Variants in PSME1 observed in about 807,000 individuals in gnomAD.
The protein encoded by PSME1 is proteasome activator subunit 1, also known as proteasome activator complex subunit 1.
Under a neutral mutation model 38.4 loss-of-function variants are expected in PSME1, and 15 were observed. That is an observed-to-expected ratio of 0.39 (90% CI 0.26 to 0.60). PSME1 has a LOEUF of 0.60. Among genes scored for constraint, PSME1 ranks in the 20% least tolerant of loss-of-function variants. The pLI is 0.53. For missense variants in PSME1, 249 were observed against 305.6 expected (o/e 0.81, Z 1.38); for synonymous variants, 106 against 106.8 (o/e 0.99, Z 0.05).
Position 24,136,248 on chromosome 14 carries a change from C to CA in PSME1, c.-15_-14insA, listed in dbSNP as rs774043792. On this transcript the variant is annotated 5_prime_UTR_variant, in exon 1 of 11. Transcript: ENST00000206451. This position sits in a 1 kb window ranked among gnomAD's most constrained non-coding sequence, Gnocchi z 4.8. Reference sequence around the variant, plus strand: ...ACTCCACTCCTTGTGCGGCGCTAGGCCCCCCGTCCCGGTCATGGCCATGCT... The same window carrying CA: ...ACTCCACTCCTTGTGCGGCGCTAGGCACCCCCGTCCCGGTCATGGCCATGCT... The CA allele has an allele frequency of 6.8e-5, 102 of 1,499,100 alleles. 2 individuals carry two copies. Among genetic ancestry groups the CA allele is most frequent in the Middle Eastern group, 1.7e-4 (1 of 5,880 alleles). 92.9% of individuals were successfully genotyped at this position (1,499,100 alleles called of 1,614,324 possible).
At chr14:24,138,701 G>A in intron 10 of PSME1, 35 bp from the exon 11 acceptor site, 2 of 1,613,996 alleles carry the variant, frequency 1.2e-6, no homozygotes, top group Non-Finnish European at 1.7e-6. Context: ...AGCCACTGGA[G>A]GCCTCTGACT....
At position 24,137,570 on chromosome 14, in the gene PSME1, T is replaced by A; in HGVS notation, c.292+5T>A. 1 of 1,614,198 alleles carries A rather than the reference T, an allele frequency of 6.2e-7. No individual in the cohort carries two copies. ...AGGGGGAGGATGAAGACAAAGGTAC[T>A]TGAAACCACAATGGTGGGAAGAGAC... On this transcript the variant is annotated splice_donor_5th_base_variant and intron_variant, in intron 5 of 10. Coordinates refer to ENST00000206451, the MANE Select transcript of PSME1 (RefSeq NM_006263.4).
Position 24,138,841 on chromosome 14 carries a change from G to A in PSME1, c.*25G>A, listed in dbSNP as rs1281125973. The A allele has an allele frequency of 1.2e-6, 2 of 1,607,966 alleles. No individual in the cohort carries two copies. The highest frequency in any genetic ancestry group is 1.7e-6 in the Non-Finnish European group (2 of 1,175,938). On this transcript the variant is annotated 3_prime_UTR_variant, in exon 11 of 11. Transcript: ENST00000206451. ...AGAGCCCTCTCTCCCATTCTGTGATGAGTACAGCAGAGACCTTCCTGCTTT... is the reference window on the plus strand; with the variant it reads ...AGAGCCCTCTCTCCCATTCTGTGATAAGTACAGCAGAGACCTTCCTGCTTT...
Position 24,136,247 on chromosome 14 carries a change from G to GC in PSME1, c.-10dup, listed in dbSNP as rs11432961. On this transcript the variant is annotated 5_prime_UTR_variant, in exon 1 of 11. Coordinates refer to ENST00000206451, the MANE Select transcript of PSME1 (RefSeq NM_006263.4). The surrounding 1 kb of genome is among the most constrained non-coding windows in gnomAD (Gnocchi z 4.8). The stretch of plus-strand genomic sequence containing the variant: ...CACTCCACTCCTTGTGCGGCGCTAG[G>GC]CCCCCCGTCCCGGTCATGGCCATGC... 63,838 of 1,522,070 alleles carry GC rather than the reference G, an allele frequency of 0.042. 2,763 individuals carry two copies. Among genetic ancestry groups the GC allele is most frequent in the African/African-American group, 0.22 (15,103 of 69,396 alleles). 94.3% of individuals were successfully genotyped at this position (1,522,070 alleles called of 1,614,324 possible).
In PSME1 at chr14:24,136,922, GA is replaced by G. The variant is rs1486570450; in HGVS notation, c.40-61del. ...GGTCAGGCCCTACATAACCCTAAGGGAACTGTCCTCAAATGAACTGGCCTTA... is the reference window on the plus strand; with the variant it reads ...GGTCAGGCCCTACATAACCCTAAGGGACTGTCCTCAAATGAACTGGCCTTA... On this transcript the variant is annotated intron_variant, in intron 1 of 10. Transcript: ENST00000206451. The surrounding 1 kb of genome is among the most constrained non-coding windows in gnomAD (Gnocchi z 4.8). 1 of 1,604,008 alleles carries G rather than the reference GA, an allele frequency of 6.2e-7. No homozygotes were observed. Among genetic ancestry groups the G allele is most frequent in the African/African-American group, 1.3e-5 (1 of 74,696 alleles).
Position 24,137,782 on chromosome 14 carries a change from T to C in PSME1, c.375T>C (p.Ile125=), listed in dbSNP as rs368398253. 2 of 1,614,002 alleles carry C rather than the reference T, an allele frequency of 1.2e-6. No individual in the cohort carries two copies. The highest frequency in any genetic ancestry group is 4.5e-5 in the East Asian group (2 of 44,894). Reference sequence around the variant, plus strand: ...TGAAGCCTGAGATCAAGGATGTCATTGAGCAGCTCAACCTGGTAAGCCCTC... The same window carrying C: ...TGAAGCCTGAGATCAAGGATGTCATCGAGCAGCTCAACCTGGTAAGCCCTC... ...QRLKPEIKDV[I]EQLNLVTTWL... is the part of the protein sequence containing the mutation. Residue 125 remains isoleucine (I), a synonymous_variant, in exon 6 of 11, where the codon ATT becomes ATC. Transcript: ENST00000206451.
rs2037910391 is a variant in PSME1, at chr14:24,136,840, C to T, written c.40-145C>T. ...CCACCACCCCAACCCACCCTACAGGCATCCATCTCGCTTTCTTCAGGTCTG... is the reference window on the plus strand; with the variant it reads ...CCACCACCCCAACCCACCCTACAGGTATCCATCTCGCTTTCTTCAGGTCTG... On this transcript the variant is annotated intron_variant, in intron 1 of 10. Coordinates refer to ENST00000206451, the MANE Select transcript of PSME1 (RefSeq NM_006263.4). The surrounding 1 kb of genome is among the most constrained non-coding windows in gnomAD (Gnocchi z 4.8). 2.3e-6 allele frequency: 2 copies of T among 886,550 alleles called. No individual in the cohort carries two copies. Among genetic ancestry groups the T allele is most frequent in the African/African-American group, 1.7e-5 (1 of 60,518 alleles). 54.9% of individuals were successfully genotyped at this position (886,550 alleles called of 1,614,324 possible). A position where few individuals can be genotyped will look rare whatever the true frequency, so the allele number is the denominator to read the frequency against.
chr14:24,137,660 C>A, intron 5 of PSME1, 40 bp from the exon 6 acceptor site: 1 of 1,609,648 alleles, frequency 6.2e-7, no homozygotes, highest in Non-Finnish European at 8.5e-7. Context: ...GCCCCTCACA[C>A]AGGCTCAATC....
rs1478732202 is a variant in PSME1 at position 24,136,254 on chromosome 14, G to C, written c.-9G>C. The C allele has an allele frequency of 6.6e-7, 1 of 1,523,918 alleles. No homozygotes were observed. The highest frequency in any genetic ancestry group is 1.5e-5 in the African/African-American group (1 of 68,962). 94.4% of individuals were successfully genotyped at this position (1,523,918 alleles called of 1,614,324 possible). A position where few individuals can be genotyped will look rare whatever the true frequency, so the allele number is the denominator to read the frequency against. On this transcript the variant is annotated 5_prime_UTR_variant, in exon 1 of 11. Transcript: ENST00000206451. The surrounding 1 kb of genome is among the most constrained non-coding windows in gnomAD (Gnocchi z 4.8). Reference sequence around the variant, plus strand: ...CTCCTTGTGCGGCGCTAGGCCCCCCGTCCCGGTCATGGCCATGCTCAGGGT... The same window carrying C: ...CTCCTTGTGCGGCGCTAGGCCCCCCCTCCCGGTCATGGCCATGCTCAGGGT...
chr14:24,136,914 C>G lies in PSME1; in HGVS notation c.40-71C>G. 3 of 1,593,286 alleles carry G rather than the reference C, an allele frequency of 1.9e-6. No individual in the cohort carries two copies. The highest frequency in any genetic ancestry group is 2.6e-6 in the Non-Finnish European group (3 of 1,162,458). ...CTTCCCCAGGTCAGGCCCTACATAA[C>G]CCTAAGGGAACTGTCCTCAAATGAA... On this transcript the variant is annotated intron_variant, in intron 1 of 10. Transcript: ENST00000206451. The surrounding 1 kb of genome is among the most constrained non-coding windows in gnomAD (Gnocchi z 4.8).
At position 24,137,743 on chromosome 14, in the gene PSME1, C is replaced by T. The variant is rs752334793; in HGVS notation, c.336C>T (p.Val112=). The T allele has an allele frequency of 1.9e-6, 3 of 1,614,196 alleles. No individual in the cohort carries two copies. Among genetic ancestry groups the T allele is most frequent in the East Asian group, 4.5e-5 (2 of 44,890 alleles). The change falls in exon 6 of 11, where the codon GTC becomes GTT. Residue 112 remains valine (V), a synonymous_variant. Transcript: ENST00000206451. ...TGAACTGCAATGAAAAGATCGTGGT[C>T]CTTCTGCAGCGCTTGAAGCCTGAGA... ...GPVNCNEKIV[V]LLQRLKPEIK...
rs148386267 is a variant in PSME1 at position 24,136,972 on chromosome 14, G to T, written c.40-13G>T. ...TAAAGCCAAGTTTCTGAAGGGATGC[G>T]TGTGCCCCACAGGTGGATGTGTTTC... On this transcript the variant is annotated splice_polypyrimidine_tract_variant and intron_variant, in intron 1 of 10. Transcript: ENST00000206451. The surrounding 1 kb of genome is among the most constrained non-coding windows in gnomAD (Gnocchi z 4.8). The T allele has an allele frequency of 1.1e-5, 18 of 1,614,116 alleles. No homozygotes were observed. In the Admixed American group the frequency reaches 2.5e-4, roughly 22 times the overall value.
At position 24,137,773 on chromosome 14, in the gene PSME1, G is replaced by A. The variant is rs1273743966; in HGVS notation, c.366G>A (p.Lys122=). The change falls in exon 6 of 11, where the codon AAG becomes AAA. Residue 122 remains lysine, a synonymous_variant. Transcript: ENST00000206451. The stretch of plus-strand genomic sequence containing the variant: ...TGCAGCGCTTGAAGCCTGAGATCAA[G>A]GATGTCATTGAGCAGCTCAACCTGG... ...VLLQRLKPEI[K]DVIEQLNLVT... 1 of 1,614,208 alleles carries A rather than the reference G, an allele frequency of 6.2e-7. No individual in the cohort carries two copies. Among genetic ancestry groups the A allele is most frequent in the Non-Finnish European group, 8.5e-7 (1 of 1,180,016 alleles).
Position 24,138,905 on chromosome 14 carries a change from T to C in PSME1, c.*89T>C. 1.3e-6 allele frequency: 2 copies of C among 1,592,032 alleles called. No homozygotes were observed. The highest frequency in any genetic ancestry group is 2.2e-5 in the South Asian group (2 of 89,446). On this transcript the variant is annotated 3_prime_UTR_variant, in exon 11 of 11. Transcript: ENST00000206451. Reference sequence around the variant, plus strand: ...CAGATTTTCCCCAAACTTGCTTCTGTTGAGATTTTTCCCTCACCTTGCCTC... The same window carrying C: ...CAGATTTTCCCCAAACTTGCTTCTGCTGAGATTTTTCCCTCACCTTGCCTC...
chr14:24,136,868 C>A lies in PSME1; in HGVS notation c.40-117C>A. The A allele has an allele frequency of 7.8e-7, 1 of 1,281,396 alleles. No homozygotes were observed. Among genetic ancestry groups the A allele is most frequent in the Non-Finnish European group, 1.1e-6 (1 of 888,220 alleles). The allele number at this position is 1,281,396 out of a possible 1,614,324, so 79.4% of individuals were successfully genotyped here. A position where few individuals can be genotyped will look rare whatever the true frequency, so the allele number is the denominator to read the frequency against. ...CCATCTCGCTTTCTTCAGGTCTGGC[C>A]TTAGAGGGATCCCCTCCACCCTTCC... On this transcript the variant is annotated intron_variant, in intron 1 of 10. Coordinates refer to ENST00000206451, the MANE Select transcript of PSME1 (RefSeq NM_006263.4). This position sits in a 1 kb window ranked among gnomAD's most constrained non-coding sequence, Gnocchi z 4.8.
chr14:24,138,649 G>C (rs778583541), intron 10 of PSME1, 87 bp from the exon 11 acceptor site: 2 of 1,613,330 alleles, frequency 1.2e-6, no homozygotes, highest in South Asian at 2.2e-5. Flanking sequence ...GGTTAAGGGT[G>C]ACAAAGCTCA....
In PSME1 at chr14:24,136,609, G is replaced by C; in HGVS notation, c.39+308G>C. On this transcript the variant is annotated intron_variant, in intron 1 of 10. Coordinates refer to ENST00000206451, the MANE Select transcript of PSME1 (RefSeq NM_006263.4). This position sits in a 1 kb window ranked among gnomAD's most constrained non-coding sequence, Gnocchi z 4.8. The stretch of plus-strand genomic sequence containing the variant: ...CAGCTACCTTCTGGCCTTTCCCTCA[G>C]GGAGGGTCCCGGGGCCCACCCCATC... Among the ~76,000 whole-genome samples, 1 of 152,146 alleles carries C rather than the reference G, an allele frequency of 6.6e-6. No individual in the cohort carries two copies. The highest frequency in any genetic ancestry group is 1.9e-4 in the East Asian group (1 of 5,188).
chr14:24,137,956 C>T, intron 6 of PSME1, 93 bp from the exon 7 acceptor site: 1 of 1,534,552 alleles, frequency 6.5e-7, no homozygotes, highest in South Asian at 1.1e-5. Context: ...CCCGGCACGC[C>T]TCCACCCAGT....
chr14:24,138,675 T>C (rs2037966443), intron 10 of PSME1, 61 bp from the exon 11 acceptor site: 1 of 1,613,592 alleles, frequency 6.2e-7, no homozygotes, highest in African/African-American at 1.3e-5. Flanking sequence ...TCCACAAGGC[T>C]AGAAATGGGG....
Sources: allele counts gnomAD v4.1 joint callset (sites outside exome capture counted in the v4.1 genomes callset), GRCh38; gene constraint gnomAD v4.1.1; non-coding constraint Gnocchi (gnomAD v3.1); transcripts MANE v1.5; gene names NCBI Gene and HGNC (gene_info 2026-07-23, HGNC 2026-07-21).